The following BTRC variants were observed in gnomAD, a reference collection of about 807,000 sequenced individuals.
BTRC encodes the protein beta-transducin repeat containing E3 ubiquitin protein ligase.
In BTRC, 42 loss-of-function variants were observed where a neutral mutation model predicts 85.5. That is an observed-to-expected ratio of 0.49 (90% CI 0.38 to 0.64). The LOEUF (loss-of-function observed/expected upper bound fraction) is 0.64. Among genes scored for constraint, BTRC ranks in the 30% least tolerant of loss-of-function variants. The pLI, the probability that BTRC is intolerant of heterozygous loss-of-function variation, is 0.00. For synonymous variants in BTRC, 255 were observed against 263.3 expected, an observed-to-expected ratio of 0.97 and a Z score of 0.30; for missense variants, 594 against 743.5, an observed-to-expected ratio of 0.80 and a Z score of 2.34.
At chr10:101,522,013 GCTTTTTTTTTTTTT>G in intron 5 of BTRC, 143 bp downstream of exon 5, 1 of 80,796 alleles carries the variant, frequency 1.2e-5, no homozygotes, top group South Asian at 2.5e-4. Flanking sequence ...TTGATATAAA[GCTTTTTTTTTTTTT>G]TTTTTTTTTT....
chr10:101,503,907 G>T (rs1946452638), intron 4 of BTRC, among the ~76,000 whole-genome samples: 1 of 152,188 alleles, frequency 6.6e-6, no homozygotes, highest in South Asian at 2.1e-4. Context: ...ACAAAGAAGA[G>T]CAGGGTAGTT....
intron 2 of BTRC, among the ~76,000 whole-genome samples, chr10:101,450,954 T>C (rs1192770926): frequency 6.6e-6 from 1 of 152,212 alleles, no homozygotes; most frequent in African/African-American, 2.4e-5. Flanking sequence ...ATTATGAACT[T>C]TCATTTTTTT....
intron 1 of BTRC, among the ~76,000 whole-genome samples, chr10:101,390,392 C>A (rs1943206161): frequency 6.9e-6 from 1 of 145,940 alleles, no homozygotes; most frequent in Non-Finnish European, 1.5e-5. Flanking sequence ...GGCTGGAGTG[C>A]AGTGGTGCAA....
chr10:101,509,445 G>A (rs1589570856), intron 4 of BTRC, among the ~76,000 whole-genome samples: 1 of 148,798 alleles, frequency 6.7e-6, no homozygotes, highest in Middle Eastern at 3.4e-3. Context: ...TAGTAGAGAC[G>A]GGGTTTCACC....
At chr10:101,534,637 C>G in intron 9 of BTRC, 24 bp from the exon 10 acceptor site, 2 of 1,613,642 alleles carry the variant, frequency 1.2e-6, no homozygotes, top group Non-Finnish European at 1.7e-6. Context: ...TGAGTACCAT[C>G]TAAATCTCAT....
At chr10:101,448,405 G>C (rs900258624) in intron 2 of BTRC, among the ~76,000 whole-genome samples, 1 of 151,966 alleles carries the variant, frequency 6.6e-6, no homozygotes, top group Non-Finnish European at 1.5e-5. Flanking sequence ...AATTACCCCT[G>C]GTAGAACTCC....
chr10:101,512,401 G>T (rs2134334661), intron 4 of BTRC, among the ~76,000 whole-genome samples: 1 of 152,128 alleles, frequency 6.6e-6, no homozygotes, highest in East Asian at 1.9e-4. Flanking sequence ...TGTTCATCTA[G>T]TCCTTGCAAC....
chr10:101,444,718 G>A (rs1944777330), intron 2 of BTRC, among the ~76,000 whole-genome samples: 1 of 152,218 alleles, frequency 6.6e-6, no homozygotes, highest in African/African-American at 2.4e-5. Flanking sequence ...AGTGGTGAGT[G>A]TAGAATACAG....
chr10:101,476,767 A>G (rs182421080), intron 3 of BTRC, among the ~76,000 whole-genome samples: 1 of 152,086 alleles, frequency 6.6e-6, no homozygotes, highest in Non-Finnish European at 1.5e-5. Context: ...TACTTGTTCT[A>G]TAAATCTAAA....
chr10:101,446,493 TATAATGAG>T (rs1353003315), intron 2 of BTRC, among the ~76,000 whole-genome samples: 1 of 152,194 alleles, frequency 6.6e-6, no homozygotes, highest in Admixed American at 6.5e-5. Flanking sequence ...GACTAAGAAT[TATAATGAG>T]ACTGTTGAAC....
At chr10:101,522,408 C>CTTT (rs1249866195) in intron 5 of BTRC, among the ~76,000 whole-genome samples, 1 of 33,338 alleles carries the variant, frequency 3.0e-5, no homozygotes, top group Non-Finnish European at 7.9e-5. Flanking sequence ...AATAAAGACT[C>CTTT]CTTTTTTTTT....
intron 1 of BTRC, among the ~76,000 whole-genome samples, chr10:101,419,308 G>T (rs1944034848): frequency 6.6e-6 from 1 of 152,136 alleles, no homozygotes; most frequent in Non-Finnish European, 1.5e-5. Flanking sequence ...ACTTCGTCTG[G>T]CCAGTACCTC....
intron 3 of BTRC, among the ~76,000 whole-genome samples, chr10:101,476,579 C>T (rs1945693261): frequency 6.6e-6 from 1 of 151,738 alleles, no homozygotes; most frequent in Admixed American, 6.6e-5. Flanking sequence ...TCAGTCAGTC[C>T]TCCTGAGTAG....
chr10:101,497,351 G>A (rs575032567), intron 4 of BTRC, among the ~76,000 whole-genome samples: 74 of 152,018 alleles, frequency 4.9e-4, no homozygotes, highest in Non-Finnish European at 7.8e-4. Flanking sequence ...TGTGATCCAC[G>A]CCTTGTGTAC....
chr10:101,366,639 G>T (rs1445066512), intron 1 of BTRC, among the ~76,000 whole-genome samples: 2 of 149,174 alleles, frequency 1.3e-5, no homozygotes, highest in Admixed American at 1.4e-4. Flanking sequence ...AAGTAACTTG[G>T]GTAAAGGCCA....
At chr10:101,367,970 CGCTGGGTCACAGGGTATGAAAATGTTTA>C (rs1942518299) in intron 1 of BTRC, among the ~76,000 whole-genome samples, 1 of 152,128 alleles carries the variant, frequency 6.6e-6, no homozygotes, top group Non-Finnish European at 1.5e-5. Flanking sequence ...AGAATGGAAT[CGCTGGGTCACAGGGTATGAAAATGTTTA>C]GCTTTATGCT....
chr10:101,504,679 A>C, intron 4 of BTRC, among the ~76,000 whole-genome samples: 11 of 145,764 alleles, frequency 7.5e-5, no homozygotes, highest in East Asian at 4.0e-4. Context: ...TCCCCCTTCC[A>C]TTTCCCTTTT....
chr10:101,538,473 T>TA (rs2062419892), intron 13 of BTRC, 102 bp downstream of exon 13: 1 of 1,053,142 alleles, frequency 9.5e-7, no homozygotes, highest in Non-Finnish European at 1.5e-6. Context: ...AGTTACAACC[T>TA]CACAAAACCT....
At chr10:101,459,209 C>T (rs1394706283) in intron 2 of BTRC, among the ~76,000 whole-genome samples, 1 of 152,148 alleles carries the variant, frequency 6.6e-6, no homozygotes, top group South Asian at 2.1e-4. Context: ...AAATTATGCA[C>T]ATAGCTTATT....
Sources: gnomAD v4.1 joint callset for allele counts (sites outside exome capture counted in the v4.1 genomes callset) on GRCh38, gnomAD v4.1.1 for gene constraint, MANE v1.5 for transcripts, NCBI Gene and HGNC (gene_info 2026-07-23, HGNC 2026-07-21) for gene names.